Variants in FANCI observed in about 807,000 individuals in gnomAD.
FANCI encodes the protein Fanconi anemia group I protein.
In FANCI, 156 loss-of-function variants were observed where a neutral mutation model predicts 176.1. That is an observed-to-expected ratio of 0.89 (90% CI 0.78 to 1.01). The LOEUF (loss-of-function observed/expected upper bound fraction) is 1.01. Ranked by LOEUF, FANCI falls within the 50% of genes least tolerant of loss-of-function variation. FANCI has a pLI of 0.00. For missense variants in FANCI, 1,678 were observed against 1,534.1 expected, an observed-to-expected ratio of 1.09 and a Z score of -1.57; for synonymous variants, 613 against 541.7, an observed-to-expected ratio of 1.13 and a Z score of -1.83.
chr15:89,266,172 T>G (rs1487529259), intron 9 of FANCI, among the ~76,000 whole-genome samples: 1 of 147,356 alleles, frequency 6.8e-6, no homozygotes, highest in East Asian at 2.0e-4. Context: ...ACTGTTTTTT[T>G]TTTTTTTTTT....
chr15:89,306,439 C>G (rs1038707465), intron 32 of FANCI, among the ~76,000 whole-genome samples: 6 of 152,028 alleles, frequency 3.9e-5, no homozygotes, highest in Admixed American at 3.9e-4. Context: ...TGCCTGTAAT[C>G]CCAGCACTTT....
At chr15:89,296,788 G>A (rs1489403537) in intron 24 of FANCI, among the ~76,000 whole-genome samples, 1 of 151,632 alleles carries the variant, frequency 6.6e-6, no homozygotes, top group Non-Finnish European at 1.5e-5. Context: ...CCCAGACGGG[G>A]CGGCTGGCCA....
rs1049791319 is a variant in FANCI, at chr15:89,292,336, C to T, written c.1993-352C>T. ...ATGCTGTGTTGGTCTCCTAAAGATT[C>T]CCTCAACATAAACCTCTATCTTTAG... is the stretch of plus-strand genomic sequence containing the variant. On this transcript the variant is annotated intron_variant, in intron 20 of 37. Coordinates refer to ENST00000310775, the MANE Select transcript of FANCI (RefSeq NM_001113378.2). 1.5e-4 allele frequency among the ~76,000 whole-genome samples: 23 copies of T among 152,142 alleles called. 1 individual carries two copies. The highest frequency in any genetic ancestry group is 1.3e-3 in the Admixed American group (20 of 15,278).
rs1298647763 is a variant in FANCI, at chr15:89,264,016, T to A, written c.659T>A (p.Leu220His). 6.2e-7 allele frequency: 1 copy of A among 1,614,076 alleles called. No individual in the cohort carries two copies. Residue 220 changes from leucine (L) to histidine (H), a missense_variant, in exon 8 of 38, where the codon CTC becomes CAC. Leu to His is a moderately conservative substitution (Grantham distance 99, BLOSUM62 -3). Transcript: ENST00000310775. ...CCTTTGGTCTATCAGCTTCTGGTTC[T>A]CTCCTCCAAGGTACAAATGGAAAAT... is the stretch of plus-strand genomic sequence containing the variant. ...IPPLVYQLLV[L>H]SSKGSRKSVL...
chr15:89,280,420 C>G (rs571175223), intron 14 of FANCI, among the ~76,000 whole-genome samples: 1 of 152,328 alleles, frequency 6.6e-6, no homozygotes, highest in South Asian at 2.1e-4. Flanking sequence ...CTGGATTCTT[C>G]ACCCCAGCAT....
intron 12 of FANCI, among the ~76,000 whole-genome samples, chr15:89,274,957 T>G (rs951583537): frequency 3.3e-5 from 5 of 152,016 alleles, no homozygotes; most frequent in African/African-American, 1.2e-4. Flanking sequence ...CAGGCTGGAG[T>G]GCAATGGCTA....
Position 89,264,129 on chromosome 15 carries a change from G to A in FANCI, c.669+103G>A, listed in dbSNP as rs73466680. The A allele has an allele frequency of 0.011, 14,012 of 1,250,574 alleles. 1,054 individuals carry two copies. The African/African-American group carries it at 0.18, about 16-fold the overall frequency. The allele number at this position is 1,250,574 out of a possible 1,614,324, so 77.5% of individuals were successfully genotyped here. On this transcript the variant is annotated intron_variant, in intron 8 of 37. Transcript: ENST00000310775. Reference sequence around the variant, plus strand: ...TTTATATAGCAGAGCAAACATAGCCGAACATAGATGCTTTCATTTCACGTG... The same window carrying A: ...TTTATATAGCAGAGCAAACATAGCCAAACATAGATGCTTTCATTTCACGTG...
Position 89,302,187 on chromosome 15 carries a change from G to A in FANCI, c.3006+745G>A, listed in dbSNP as rs1246488454. On this transcript the variant is annotated intron_variant, in intron 27 of 37. Transcript: ENST00000310775. Reference sequence around the variant, plus strand: ...AGCCCTGCGGTATACTCCTCTTTATGTGAGCCCTTGCCTCAGAAGACTGTA... The same window carrying A: ...AGCCCTGCGGTATACTCCTCTTTATATGAGCCCTTGCCTCAGAAGACTGTA... 4.6e-5 allele frequency among the ~76,000 whole-genome samples: 7 copies of A among 152,262 alleles called. No individual in the cohort carries two copies. The East Asian group carries it at 1.2e-3, about 25-fold the overall frequency.
intron 18 of FANCI, among the ~76,000 whole-genome samples, chr15:89,289,266 C>T (rs1178697838): frequency 6.6e-6 from 1 of 151,914 alleles, no homozygotes; most frequent in Admixed American, 6.6e-5. Flanking sequence ...ATTAATTTTC[C>T]TTTGTTCCGT....
intron 17 of FANCI, among the ~76,000 whole-genome samples, chr15:89,284,391 C>T (rs1163363289): frequency 6.6e-6 from 1 of 152,060 alleles, no homozygotes; most frequent in Non-Finnish European, 1.5e-5. Context: ...TTTGGTATAA[C>T]TACATAAAGC....
In FANCI at chr15:89,299,854, G is replaced by GAAAGAGAAAGGAA; in HGVS notation, c.2693_2705dup (p.Ser903ArgfsTer41). ...CTACTTCAGTGGAAGAGTCGGGAAA[G>GAAAGAGAAAGGAA]AAAGAGAAAGGAAAGAGCATCTCAC... On this transcript the variant is annotated frameshift_variant, in exon 25 of 38. Coordinates refer to ENST00000310775, the MANE Select transcript of FANCI (RefSeq NM_001113378.2). LOFTEE classifies it high-confidence loss of function. 1 of 1,614,076 alleles carries GAAAGAGAAAGGAA rather than the reference G, an allele frequency of 6.2e-7. No homozygotes were observed. The highest frequency in any genetic ancestry group is 1.1e-5 in the South Asian group (1 of 91,076).
intron 35 of FANCI, among the ~76,000 whole-genome samples, chr15:89,314,029 C>G (rs1395277970): frequency 6.9e-6 from 1 of 145,144 alleles, no homozygotes; most frequent in East Asian, 2.1e-4. Flanking sequence ...AATTACAGTT[C>G]ACGTTAGGGG....
intron 2 of FANCI, among the ~76,000 whole-genome samples, chr15:89,250,148 G>C (rs1193032836): frequency 6.6e-6 from 1 of 152,148 alleles, no homozygotes; most frequent in Non-Finnish European, 1.5e-5. Context: ...ATTTCTCAGG[G>C]ATCTAGAACT....
chr15:89,291,856 T>A (rs1046048284), intron 20 of FANCI, 142 bp downstream of exon 20: 14 of 711,242 alleles, frequency 2.0e-5, no homozygotes, highest in Non-Finnish European at 3.4e-5. Context: ...CTGCTTATCA[T>A]TTCTGAACCA....
chr15:89,311,136 G>A (rs1286754602), intron 34 of FANCI, among the ~76,000 whole-genome samples: 4 of 152,144 alleles, frequency 2.6e-5, no homozygotes, highest in Admixed American at 2.0e-4. Flanking sequence ...GCAGGCGCCT[G>A]TAATCCCAGC....
intron 18 of FANCI, among the ~76,000 whole-genome samples, chr15:89,287,923 A>T (rs1247638485): frequency 6.6e-6 from 1 of 152,034 alleles, no homozygotes; most frequent in Non-Finnish European, 1.5e-5. Flanking sequence ...AAGATCATTT[A>T]TCATAGATCC....
intron 28 of FANCI, among the ~76,000 whole-genome samples, chr15:89,304,211 G>A (rs2151901238): frequency 6.6e-6 from 1 of 152,272 alleles, no homozygotes; most frequent in Middle Eastern, 3.4e-3. Flanking sequence ...AGAAAAATGT[G>A]GAAGAATTCT....
chr15:89,265,277 A>C (rs144362297), intron 9 of FANCI, among the ~76,000 whole-genome samples: 1 of 152,252 alleles, frequency 6.6e-6, no homozygotes, highest in East Asian at 1.9e-4. Context: ...GCATGATCTC[A>C]GCTCACTGCA....
At chr15:89,267,762 C>T (rs1290034787) in intron 9 of FANCI, among the ~76,000 whole-genome samples, 1 of 151,942 alleles carries the variant, frequency 6.6e-6, no homozygotes, top group East Asian at 1.9e-4. Flanking sequence ...TCCATCTCTA[C>T]CAAAAAATAG....
Sources: allele counts gnomAD v4.1 joint callset (sites outside exome capture counted in the v4.1 genomes callset), GRCh38; gene constraint gnomAD v4.1.1; transcripts MANE v1.5; gene names NCBI Gene and HGNC (gene_info 2026-07-23, HGNC 2026-07-21).